The following TMCC1 variants were observed in gnomAD, a reference collection of about 807,000 sequenced individuals.
The protein encoded by TMCC1 is transmembrane and coiled-coil domains protein 1.
Under a neutral mutation model 52.4 loss-of-function variants are expected in TMCC1, and 15 were observed. The observed-to-expected ratio is 0.29, with a 90% CI of 0.19 to 0.44. The LOEUF (loss-of-function observed/expected upper bound fraction) is 0.44, where lower values mean the gene tolerates loss of function less well. Among genes scored for constraint, TMCC1 ranks in the 20% least tolerant of loss-of-function variants. TMCC1 has a pLI of 1.00. For missense variants in TMCC1, 503 were observed against 806.0 expected, an observed-to-expected ratio of 0.62 and a Z score of 4.55; for synonymous variants, 279 against 301.9, an observed-to-expected ratio of 0.92 and a Z score of 0.79.
rs1039917487 is a variant in TMCC1, at chr3:129,649,415, G to A, written c.*2066C>T. On this transcript the variant is annotated 3_prime_UTR_variant, in exon 7 of 7. Coordinates refer to ENST00000393238, the MANE Select transcript of TMCC1 (RefSeq NM_001017395.5). ...TTTGTTTTTGGCATGAACATGAATT[G>A]GTTCTAATTTTTTTTTTTTTAAAGA... The A allele has an allele frequency of 1.3e-5, 2 of 152,000 alleles. No individual in the cohort carries two copies. Among genetic ancestry groups the A allele is most frequent in the Non-Finnish European group, 2.9e-5 (2 of 67,970 alleles). 9.4% of individuals were successfully genotyped at this position (152,000 alleles called of 1,614,324 possible). A position where few individuals can be genotyped will look rare whatever the true frequency, so the allele number is the denominator to read the frequency against.
chr3:129,655,349 C>T (rs988538529), intron 5 of TMCC1, among the ~76,000 whole-genome samples: 9 of 152,162 alleles, frequency 5.9e-5, no homozygotes, highest in Admixed American at 2.0e-4. Flanking sequence ...GTATTTGCAG[C>T]GATGCCAGCA....
intron 4 of TMCC1, among the ~76,000 whole-genome samples, chr3:129,709,763 C>G (rs2048526282): frequency 6.6e-6 from 1 of 152,002 alleles, no homozygotes; most frequent in South Asian, 2.1e-4. Flanking sequence ...GACTGACACT[C>G]TCAAGTGGGA....
Position 129,650,276 on chromosome 3 carries a change from G to C in TMCC1, c.*1205C>G, listed in dbSNP as rs1485076487. On this transcript the variant is annotated 3_prime_UTR_variant, in exon 7 of 7. Transcript: ENST00000393238. ...GATCACTGGGTGAACGTTTTCTTGG[G>C]GCAAAAAAAAAAAAAAAAAATCCCT... is the stretch of plus-strand genomic sequence containing the variant. 1.8e-4 allele frequency: 9 copies of C among 49,982 alleles called. No individual in the cohort carries two copies. The East Asian group carries it at 8.4e-3, about 47-fold the overall frequency. The allele number at this position is 49,982 out of a possible 1,614,324, so 3.1% of individuals were successfully genotyped here. A position where few individuals can be genotyped will look rare whatever the true frequency, so the allele number is the denominator to read the frequency against.
chr3:129,793,286 G>C (rs1417483908), intron 4 of TMCC1, among the ~76,000 whole-genome samples: 1 of 152,082 alleles, frequency 6.6e-6, no homozygotes, highest in Non-Finnish European at 1.5e-5. Context: ...ATGCATATGT[G>C]ACACAGGGAT....
intron 4 of TMCC1, among the ~76,000 whole-genome samples, chr3:129,796,482 T>C (rs1576882611): frequency 6.6e-6 from 1 of 152,142 alleles, no homozygotes; most frequent in African/African-American, 2.4e-5. Context: ...GGAAGACTAC[T>C]GTAGTATCCC....
At chr3:129,778,624 A>T (rs1390040271) in intron 4 of TMCC1, among the ~76,000 whole-genome samples, 3 of 147,964 alleles carry the variant, frequency 2.0e-5, no homozygotes, top group African/African-American at 2.4e-5. Flanking sequence ...TCCAAATTGT[A>T]ATCCCCACAT....
At position 129,738,073 on chromosome 3, in the gene TMCC1, C is replaced by T. The variant is rs768229425; in HGVS notation, c.577-66809G>A. On this transcript the variant is annotated intron_variant, in intron 4 of 6. Transcript: ENST00000393238. ...ACCACCTGAGATCAGGAGTTCAAGA[C>T]CAGCCTGGCCAACACGGCAAAACCC... Among the ~76,000 whole-genome samples, 37 of 152,100 alleles carry T rather than the reference C, an allele frequency of 2.4e-4. No individual in the cohort carries two copies. In the Middle Eastern group the frequency reaches 0.01, roughly 42 times the overall value.
At chr3:129,688,588 C>A (rs966114222) in intron 4 of TMCC1, 2 of 985,394 alleles carry the variant, frequency 2.0e-6, no homozygotes, top group South Asian at 9.4e-5. Flanking sequence ...TGTATAGTTT[C>A]AATTCTATCT....
At chr3:129,812,293 C>T (rs1219619261) in intron 4 of TMCC1, among the ~76,000 whole-genome samples, 1 of 132,352 alleles carries the variant, frequency 7.6e-6, no homozygotes, top group African/African-American at 2.8e-5. Context: ...AGTGAGATCA[C>T]GCCACTGCAC....
intron 2 of TMCC1, among the ~76,000 whole-genome samples, chr3:129,865,519 T>G (rs1469044977): frequency 6.6e-6 from 1 of 152,112 alleles, no homozygotes; most frequent in South Asian, 2.1e-4. Context: ...GCTATCAAAA[T>G]AGCCCAAAGA....
chr3:129,849,100 C>T (rs919516817), intron 2 of TMCC1, among the ~76,000 whole-genome samples: 1 of 152,158 alleles, frequency 6.6e-6, no homozygotes, highest in Non-Finnish European at 1.5e-5. Flanking sequence ...TAAACATGTA[C>T]CACATCATGA....
intron 4 of TMCC1, among the ~76,000 whole-genome samples, chr3:129,687,770 C>T (rs2089509089): frequency 6.6e-6 from 1 of 152,232 alleles, no homozygotes; most frequent in African/African-American, 2.4e-5. Context: ...CCTTCCTCCA[C>T]CTCCATACTT....
chr3:129,821,039 T>C (rs2058391626), intron 4 of TMCC1, among the ~76,000 whole-genome samples: 1 of 152,242 alleles, frequency 6.6e-6, no homozygotes, highest in Non-Finnish European at 1.5e-5. Flanking sequence ...GCTTCAATTT[T>C]AACTAAGACC....
intron 4 of TMCC1, among the ~76,000 whole-genome samples, chr3:129,710,957 C>T (rs538037656): frequency 6.0e-4 from 91 of 152,308 alleles, no homozygotes; most frequent in African/African-American, 2.1e-3. Flanking sequence ...CTCCGCCTCC[C>T]AGTTCAAGCG....
chr3:129,715,276 T>C (rs1342283291), intron 4 of TMCC1, among the ~76,000 whole-genome samples: 1 of 152,178 alleles, frequency 6.6e-6, no homozygotes, highest in African/African-American at 2.4e-5. Context: ...ATGCACTCTC[T>C]GGCCAGGCGC....
intron 4 of TMCC1, among the ~76,000 whole-genome samples, chr3:129,709,101 T>C (rs1405098066): frequency 1.3e-5 from 2 of 152,160 alleles, no homozygotes; most frequent in African/African-American, 2.4e-5. Flanking sequence ...CCTTTGCATA[T>C]CTAATTTTAA....
intron 4 of TMCC1, among the ~76,000 whole-genome samples, chr3:129,799,739 G>C (rs1362915613): frequency 2.6e-5 from 4 of 152,174 alleles, no homozygotes; most frequent in African/African-American, 7.2e-5. Flanking sequence ...ATGAACCCGG[G>C]AGGCGGAGCT....
At chr3:129,860,433 C>A (rs1449546683) in intron 2 of TMCC1, among the ~76,000 whole-genome samples, 1 of 151,606 alleles carries the variant, frequency 6.6e-6, no homozygotes, top group Non-Finnish European at 1.5e-5. Flanking sequence ...TGGGGGGAAA[C>A]GGGTAATAGT....
chr3:129,764,980 T>G lies in TMCC1; in HGVS notation c.576+62823A>C, dbSNP rs139639038. Among the ~76,000 whole-genome samples the G allele has an allele frequency of 2.6e-3, 387 of 150,854 alleles. 6 individuals are homozygous for G. Among genetic ancestry groups the G allele is most frequent in the East Asian group, 8.6e-3 (44 of 5,144 alleles). On this transcript the variant is annotated intron_variant, in intron 4 of 6. Coordinates refer to ENST00000393238, the MANE Select transcript of TMCC1 (RefSeq NM_001017395.5). ...CCATACCCAGCTAATTTTTAATGTT[T>G]TTGTAGAAAGAGGGTCTTACTATAT... is the stretch of plus-strand genomic sequence containing the variant.
Sources: gnomAD v4.1 joint callset for allele counts (sites outside exome capture counted in the v4.1 genomes callset) on GRCh38, gnomAD v4.1.1 for gene constraint, MANE v1.5 for transcripts, NCBI Gene and HGNC (gene_info 2026-07-23, HGNC 2026-07-21) for gene names.